The following C1QL2 variants were observed in gnomAD, a reference collection of about 807,000 sequenced individuals.
C1QL2 encodes the protein complement C1q like 2.
C1QL2 carries 13 observed loss-of-function variants against 16.6 expected under a neutral mutation model. That is an observed-to-expected ratio of 0.78 (90% CI 0.51 to 1.25). The LOEUF (loss-of-function observed/expected upper bound fraction) is 1.25. Among genes scored for constraint, C1QL2 ranks in the 50% most tolerant of loss-of-function variants. The pLI is 0.00. For synonymous variants in C1QL2, 210 were observed against 183.2 expected (o/e 1.15, Z -1.18); for missense variants, 396 against 409.6 (o/e 0.97, Z 0.29).
rs1275147105 is a variant in C1QL2, at chr2:119,158,178, A to C, written c.92T>G (p.Met31Arg). The change falls in exon 1 of 2, where the codon ATG (methionine) becomes AGG (arginine). Residue 31 changes from methionine (M) to arginine (R), a missense_variant. By Grantham distance (91) the Met-to-Arg change is moderately conservative. Around this residue, in one of 2 missense-constraint regions of C1QL2, gnomAD observed 353 missense variants for 334.8 expected, o/e 1.05. Coordinates refer to ENST00000272520, the MANE Select transcript of C1QL2 (RefSeq NM_182528.4). ...AHYEMMGTCR[M>R]ICDPYTAAPG... ...CGCGGCAGTGTAAGGGTCGCAGATCATGCGGCAGGTGCCCATCATCTCATA... is the reference window on the plus strand; with the variant it reads ...CGCGGCAGTGTAAGGGTCGCAGATCCTGCGGCAGGTGCCCATCATCTCATA... The C allele has an allele frequency of 3.8e-6, 6 of 1,577,794 alleles. No homozygotes were observed. Among genetic ancestry groups the C allele is most frequent in the Non-Finnish European group, 5.1e-6 (6 of 1,165,748 alleles).
rs879501674 is a variant in C1QL2 at position 119,158,218 on chromosome 2, G to T, written c.52C>A (p.Arg18=). The T allele has an allele frequency of 3.2e-6, 5 of 1,573,664 alleles. No individual in the cohort carries two copies. The highest frequency in any genetic ancestry group is 2.5e-5 in the East Asian group (1 of 40,272). Residue 18 remains arginine (R), a synonymous_variant, in exon 1 of 2, where the codon CGA becomes AGA. Coordinates refer to ENST00000272520, the MANE Select transcript of C1QL2 (RefSeq NM_182528.4). ...ATCATCTCATAGTGCGCGGCGCCTC[G>T]GGGCGCCGCCTGCAGCAGCAGCGGC... ...AVPLLLQAAP[R]GAAHYEMMGT...
At chr2:119,157,555 ACG>A (rs1558717918) in intron 1 of C1QL2, 29 bp downstream of exon 1, 7 of 1,468,162 alleles carry the variant, frequency 4.8e-6, no homozygotes, top group Non-Finnish European at 9.0e-7. Flanking sequence ...GCGAGGGTTT[ACG>A]GGGGCCGGTG....
chr2:119,158,580 A>C lies in C1QL2; in HGVS notation c.-311T>G. 4.9e-5 allele frequency: 9 copies of C among 183,534 alleles called. No individual in the cohort carries two copies. Among genetic ancestry groups the C allele is most frequent in the Non-Finnish European group, 5.7e-5 (5 of 87,980 alleles). 11.4% of individuals were successfully genotyped at this position (183,534 alleles called of 1,614,324 possible). On this transcript the variant is annotated 5_prime_UTR_variant, in exon 1 of 2. Transcript: ENST00000272520. ...GCATGACGTGGGGCACACAAGACGA[A>C]TCCGGCGCCCCGAGGGTCCGGCGCC...
rs1470393233 is a variant in C1QL2, at chr2:119,158,302, C to A, written c.-33G>T. ...AGTACGCCGACGGCCGCCAGGCAGG[C>A]ACGCCGCCGCCGCTGCCACAGCCGG... is the stretch of plus-strand genomic sequence containing the variant. On this transcript the variant is annotated 5_prime_UTR_variant, in exon 1 of 2. Coordinates refer to ENST00000272520, the MANE Select transcript of C1QL2 (RefSeq NM_182528.4). The A allele has an allele frequency of 9.7e-6, 13 of 1,343,840 alleles. No individual in the cohort carries two copies. Among genetic ancestry groups the A allele is most frequent in the Non-Finnish European group, 1.2e-5 (13 of 1,054,302 alleles). The allele number at this position is 1,343,840 out of a possible 1,614,324, so 83.2% of individuals were successfully genotyped here.
chr2:119,158,204 G>A lies in C1QL2; in HGVS notation c.66C>T (p.His22=). Residue 22 remains histidine (H), a synonymous_variant, in exon 1 of 2, where the codon CAC becomes CAT. Coordinates refer to ENST00000272520, the MANE Select transcript of C1QL2 (RefSeq NM_182528.4). ...TGCGGCAGGTGCCCATCATCTCATAGTGCGCGGCGCCTCGGGGCGCCGCCT... is the reference window on the plus strand; with the variant it reads ...TGCGGCAGGTGCCCATCATCTCATAATGCGCGGCGCCTCGGGGCGCCGCCT... The part of the protein sequence containing the change: ...LLQAAPRGAA[H]YEMMGTCRMI... The A allele has an allele frequency of 1.3e-6, 2 of 1,576,928 alleles. No homozygotes were observed. The highest frequency in any genetic ancestry group is 1.7e-6 in the Non-Finnish European group (2 of 1,165,318).
Position 119,158,168 on chromosome 2 carries a change from G to A in C1QL2, c.102C>T (p.Asp34=), listed in dbSNP as rs1295449539. The change falls in exon 1 of 2, where the codon GAC becomes GAT. Residue 34 remains aspartate, a synonymous_variant. Coordinates refer to ENST00000272520, the MANE Select transcript of C1QL2 (RefSeq NM_182528.4). ...EMMGTCRMIC[D]PYTAAPGGEP... ...CCCCGCCGGGCGCGGCAGTGTAAGG[G>A]TCGCAGATCATGCGGCAGGTGCCCA... 5.7e-6 allele frequency: 9 copies of A among 1,577,666 alleles called. No individual in the cohort carries two copies. Among genetic ancestry groups the A allele is most frequent in the East Asian group, 2.4e-5 (1 of 41,580 alleles).
chr2:119,156,706 G>A lies in C1QL2; in HGVS notation c.*96C>T, dbSNP rs982844869. The A allele has an allele frequency of 2.2e-6, 3 of 1,351,926 alleles. No homozygotes were observed. The highest frequency in any genetic ancestry group is 1.5e-5 in the African/African-American group (1 of 68,114). The allele number at this position is 1,351,926 out of a possible 1,614,324, so 83.7% of individuals were successfully genotyped here. On this transcript the variant is annotated 3_prime_UTR_variant, in exon 2 of 2. Coordinates refer to ENST00000272520, the MANE Select transcript of C1QL2 (RefSeq NM_182528.4). ...TTGTCTTTTCCAAAGGAGATGTCAG[G>A]AAGTGTTATGAATCGAGAGTGGCCT...
intron 1 of C1QL2, 83 bp from the exon 2 acceptor site, chr2:119,157,064 G>T (rs1283142096): frequency 3.3e-6 from 5 of 1,499,506 alleles, no homozygotes; most frequent in Non-Finnish European, 4.5e-6. Context: ...CGCCACTCAC[G>T]GGCCTCCCGC....
Position 119,156,994 on chromosome 2 carries a change from G to T in C1QL2, c.685-13C>A, listed in dbSNP as rs780927312. The T allele has an allele frequency of 6.2e-7, 1 of 1,611,908 alleles. No homozygotes were observed. The highest frequency in any genetic ancestry group is 1.3e-5 in the African/African-American group (1 of 74,890). On this transcript the variant is annotated splice_polypyrimidine_tract_variant and intron_variant, in intron 1 of 1. Transcript: ENST00000272520. ...CGCTGGCCCGGACCTGGGGACAAGC[G>T]GTGGGAGCAGGTGAGCCGGGGCACC...
chr2:119,157,361 T>C, intron 1 of C1QL2, among the ~76,000 whole-genome samples: 1 of 151,798 alleles, frequency 6.6e-6, no homozygotes, highest in Non-Finnish European at 1.5e-5. Context: ...GGAGTGTAGT[T>C]TAGGTATGGG....
At position 119,158,418 on chromosome 2, in the gene C1QL2, T is replaced by A; in HGVS notation, c.-149A>T. ...CCGCTCCCCGCGCTCGGGGACCGGC[T>A]CCGCGGGTCCTGGCCGCGCCCCCGA... On this transcript the variant is annotated 5_prime_UTR_variant, in exon 1 of 2. Coordinates refer to ENST00000272520, the MANE Select transcript of C1QL2 (RefSeq NM_182528.4). The A allele has an allele frequency of 1.9e-6, 1 of 522,498 alleles. No homozygotes were observed. Among genetic ancestry groups the A allele is most frequent in the Non-Finnish European group, 2.8e-6 (1 of 354,064 alleles). 32.4% of individuals were successfully genotyped at this position (522,498 alleles called of 1,614,324 possible).
chr2:119,157,949 C>G lies in C1QL2; in HGVS notation c.321G>C (p.Glu107Asp). The G allele has an allele frequency of 6.5e-7, 1 of 1,537,738 alleles. No individual in the cohort carries two copies. Among genetic ancestry groups the G allele is most frequent in the Non-Finnish European group, 8.8e-7 (1 of 1,140,314 alleles). ...GCCCGGGCCGCCCCGAGTCGCCCTT[C>G]TCTCCCGGAGGGCCCCTGGGTCCAG... ...GPPGPRGPPGEKGDSGRPGLP... is the reference protein window; with the variant it reads ...GPPGPRGPPGDKGDSGRPGLP... The change falls in exon 1 of 2, where the codon GAG becomes GAC. Residue 107 changes from glutamate (E) to aspartate (D), a missense_variant. This residue lies in a region of C1QL2 where 353 missense variants were observed against 334.8 expected (regional missense o/e 1.05). Coordinates refer to ENST00000272520, the MANE Select transcript of C1QL2 (RefSeq NM_182528.4).
At position 119,158,003 on chromosome 2, in the gene C1QL2, C is replaced by T. The variant is rs751699255; in HGVS notation, c.267G>A (p.Pro89=). The change falls in exon 1 of 2, where the codon CCG becomes CCA. Residue 89 remains proline (P), a synonymous_variant. Coordinates refer to ENST00000272520, the MANE Select transcript of C1QL2 (RefSeq NM_182528.4). ...GDPGRPGKPG[P]RGPPGEPGPP... ...GGCCCGGCTCTCCAGGGGGCCCCCG[C>T]GGCCCTGGCTTGCCCGGTCGCCCCG... 3.0e-5 allele frequency: 45 copies of T among 1,522,638 alleles called. No homozygotes were observed. The African/African-American group carries it at 4.8e-4, about 16-fold the overall frequency. The allele number at this position is 1,522,638 out of a possible 1,614,324, so 94.3% of individuals were successfully genotyped here.
In C1QL2 at chr2:119,156,766, G is replaced by A. The variant is rs1389210475; in HGVS notation, c.*36C>T. On this transcript the variant is annotated 3_prime_UTR_variant, in exon 2 of 2. Coordinates refer to ENST00000272520, the MANE Select transcript of C1QL2 (RefSeq NM_182528.4). ...AGCCGCGCCCGGGCGGAGACCGGGC[G>A]GCCTGCAGCCACCCCGCCTCGCACC... 1 of 1,597,640 alleles carries A rather than the reference G, an allele frequency of 6.3e-7. No individual in the cohort carries two copies. Among genetic ancestry groups the A allele is most frequent in the South Asian group, 1.1e-5 (1 of 89,078 alleles).
rs1025092563 is a variant in C1QL2, at chr2:119,156,304, T to C, written c.*498A>G. 1 of 154,580 alleles carries C rather than the reference T, an allele frequency of 6.5e-6. No homozygotes were observed. The highest frequency in any genetic ancestry group is 2.4e-5 in the African/African-American group (1 of 41,458). The allele number at this position is 154,580 out of a possible 1,614,324, so 9.6% of individuals were successfully genotyped here. On this transcript the variant is annotated 3_prime_UTR_variant, in exon 2 of 2. Coordinates refer to ENST00000272520, the MANE Select transcript of C1QL2 (RefSeq NM_182528.4). ...GTCTGAGTCAGGAGGGAATGCGGTG[T>C]GGAGAGGTGAATTTTCTGTTTGCTG...
Position 119,157,669 on chromosome 2 carries a change from C to T in C1QL2, c.601G>A (p.Gly201Ser). The change falls in exon 1 of 2, where the codon GGC becomes AGC. Residue 201 changes from glycine to serine, a missense_variant. Coordinates refer to ENST00000272520, the MANE Select transcript of C1QL2 (RefSeq NM_182528.4). ...TTGKFSCQVR[G>S]IYFFTYHILM... is the part of the protein sequence containing the mutation. Reference sequence around the variant, plus strand: ...ATGTGGTAGGTGAAGAAGTAGATGCCGCGTACCTGGCAGCTGAACTTGCCC... The same window carrying T: ...ATGTGGTAGGTGAAGAAGTAGATGCTGCGTACCTGGCAGCTGAACTTGCCC... 6.2e-7 allele frequency: 1 copy of T among 1,614,114 alleles called. No individual in the cohort carries two copies. Among genetic ancestry groups the T allele is most frequent in the Non-Finnish European group, 8.5e-7 (1 of 1,179,990 alleles).
chr2:119,156,531 C>A lies in C1QL2; in HGVS notation c.*271G>T. The stretch of plus-strand genomic sequence containing the variant: ...CCCGGCCCTGCCTGTCCAGTCTAAT[C>A]AGGTTTGCAAAGTCTGTGCCGCCGC... On this transcript the variant is annotated 3_prime_UTR_variant, in exon 2 of 2. Transcript: ENST00000272520. 2.7e-6 allele frequency: 1 copy of A among 367,450 alleles called. No individual in the cohort carries two copies. Among genetic ancestry groups the A allele is most frequent in the Non-Finnish European group, 4.9e-6 (1 of 202,476 alleles). The allele number at this position is 367,450 out of a possible 1,614,324, so 22.8% of individuals were successfully genotyped here. A position where few individuals can be genotyped will look rare whatever the true frequency, so the allele number is the denominator to read the frequency against.
Position 119,156,814 on chromosome 2 carries a change from CA to C in C1QL2, c.851del (p.Leu284ArgfsTer38). ...NKYSTFSGFL[L>X]YPD is the part of the protein sequence containing the mutation. ...ACCCCCCGCGCCCCTAATCCGGGTACAGAAGAAAGCCCGAGAACGTGCTGTA... is the reference window on the plus strand; with the variant it reads ...ACCCCCCGCGCCCCTAATCCGGGTACGAAGAAAGCCCGAGAACGTGCTGTA... On this transcript the variant is annotated frameshift_variant, in exon 2 of 2. Coordinates refer to ENST00000272520, the MANE Select transcript of C1QL2 (RefSeq NM_182528.4). LOFTEE classifies it high-confidence loss of function. The C allele has an allele frequency of 6.2e-7, 1 of 1,613,750 alleles. No individual in the cohort carries two copies. The highest frequency in any genetic ancestry group is 8.5e-7 in the Non-Finnish European group (1 of 1,179,756).
rs7556873 is a variant in C1QL2 at position 119,157,673 on chromosome 2, T to C, written c.597A>G (p.Val199=). 0.73 allele frequency: 1,177,903 copies of C among 1,613,860 alleles called. 435,434 individuals carry two copies. The highest frequency in any genetic ancestry group is 0.77 in the Non-Finnish European group (902,658 of 1,179,924). The change falls in exon 1 of 2, where the codon GTA becomes GTG. Residue 199 remains valine (V), a synonymous_variant. Coordinates refer to ENST00000272520, the MANE Select transcript of C1QL2 (RefSeq NM_182528.4). ...DPTTGKFSCQ[V]RGIYFFTYHI... is the part of the protein sequence containing the mutation. The stretch of plus-strand genomic sequence containing the variant: ...GGTAGGTGAAGAAGTAGATGCCGCG[T>C]ACCTGGCAGCTGAACTTGCCCGTGG...
Sources: allele counts gnomAD v4.1 joint callset (sites outside exome capture counted in the v4.1 genomes callset), GRCh38; gene constraint gnomAD v4.1.1; regional missense constraint gnomAD v4.1.1; transcripts MANE v1.5; gene names NCBI Gene and HGNC (gene_info 2026-07-23, HGNC 2026-07-21).